The following DLC1 variants were observed in gnomAD, a reference collection of about 807,000 sequenced individuals.
DLC1 encodes the protein rho GTPase-activating protein 7.
A neutral mutation model predicts 140.3 loss-of-function variants in DLC1; 54 were observed. The ratio of observed to expected loss-of-function variants is 0.38; its 90% confidence interval spans 0.31 to 0.48. DLC1 has a LOEUF of 0.48. Ranked by LOEUF, DLC1 falls within the 20% of genes least tolerant of loss-of-function variation. The pLI, the probability that DLC1 is intolerant of heterozygous loss-of-function variation, is 0.96. For missense variants in DLC1, 2,536 were observed against 1,907.0 expected, an observed-to-expected ratio of 1.33 and a Z score of -6.14; for synonymous variants, 986 against 728.1, an observed-to-expected ratio of 1.35 and a Z score of -5.70.
chr8:13,503,865 C>G (rs9918844), intron 1 of DLC1, among the ~76,000 whole-genome samples: 71,680 of 152,036 alleles, frequency 0.47, 18,051 homozygotes, highest in Non-Finnish European at 0.57. Flanking sequence ...TCATAGATAT[C>G]TATCTGTGGT....
intron 5 of DLC1, among the ~76,000 whole-genome samples, chr8:13,201,915 C>T (rs1174347840): frequency 1.4e-5 from 2 of 143,992 alleles, no homozygotes; most frequent in Admixed American, 7.0e-5. Context: ...GTCTAGTACC[C>T]AAAAGGTTTT....
upstream of DLC1, among the ~76,000 whole-genome samples, chr8:13,516,419 A>G (rs1286830404): frequency 6.6e-6 from 1 of 152,166 alleles, no homozygotes; most frequent in African/African-American, 2.4e-5. Context: ...ATCTTGTAGT[A>G]CTTTTTGATA....
intron 4 of DLC1, among the ~76,000 whole-genome samples, chr8:13,378,668 A>T (rs912794170): frequency 5.3e-5 from 8 of 152,072 alleles, no homozygotes; most frequent in African/African-American, 1.9e-4. Context: ...TTTTTTTGTT[A>T]CATGTTCTTT....
chr8:13,457,186 G>A (rs986326501), intron 2 of DLC1, among the ~76,000 whole-genome samples: 11 of 152,134 alleles, frequency 7.2e-5, no homozygotes, highest in African/African-American at 2.7e-4. Context: ...TGCTCACAAT[G>A]AGTGTTTGAC....
chr8:13,475,856 A>G (rs906244618), intron 2 of DLC1, among the ~76,000 whole-genome samples: 1 of 152,184 alleles, frequency 6.6e-6, no homozygotes, highest in Middle Eastern at 3.2e-3. Context: ...CTAGAGTGAA[A>G]TTATGCAGAC....
chr8:13,171,602 G>T (rs1825485931), intron 5 of DLC1, among the ~76,000 whole-genome samples: 1 of 151,850 alleles, frequency 6.6e-6, no homozygotes, highest in African/African-American at 2.4e-5. Context: ...TGTCCAGGCT[G>T]GTCTCAAACT....
intron 2 of DLC1, among the ~76,000 whole-genome samples, chr8:13,454,741 A>G (rs562648095): frequency 6.6e-6 from 1 of 152,174 alleles, no homozygotes; most frequent in East Asian, 1.9e-4. Context: ...TTTTGTAGAG[A>G]CAGCGTCTCC....
intron 4 of DLC1, among the ~76,000 whole-genome samples, chr8:13,338,950 A>AC (rs760237799): frequency 6.6e-6 from 1 of 152,240 alleles, no homozygotes; most frequent in Non-Finnish European, 1.5e-5. Context: ...GTGTAGGTTA[A>AC]CCAAGCAATT....
intron 7 of DLC1, among the ~76,000 whole-genome samples, chr8:13,108,023 C>T (rs1443465135): frequency 2.6e-5 from 4 of 151,856 alleles, no homozygotes; most frequent in African/African-American, 7.3e-5. Flanking sequence ...CCAGCCTGAG[C>T]GACAGAGTGA....
At chr8:13,501,401 T>C (rs1005537978) in intron 1 of DLC1, among the ~76,000 whole-genome samples, 3 of 152,164 alleles carry the variant, frequency 2.0e-5, no homozygotes, top group Admixed American at 6.5e-5. Flanking sequence ...GAAACTATAT[T>C]ATTGGACTGT....
chr8:13,582,889 T>TATATATATATATATACACCAC (rs1563456647), intron 1 of DLC1, among the ~76,000 whole-genome samples: 1 of 75,564 alleles, frequency 1.3e-5, no homozygotes, highest in Non-Finnish European at 2.7e-5. Context: ...TATATATATA[T>TATATATATATATATACACCAC]ATATATATAT....
At chr8:13,456,064 A>G (rs547599279) in intron 2 of DLC1, among the ~76,000 whole-genome samples, 2 of 152,202 alleles carry the variant, frequency 1.3e-5, no homozygotes, top group East Asian at 3.8e-4. Flanking sequence ...GCTTTGTGTC[A>G]AAGGGGAAAA....
chr8:13,315,228 A>C (rs1015984836), intron 4 of DLC1, among the ~76,000 whole-genome samples: 5 of 152,228 alleles, frequency 3.3e-5, no homozygotes, highest in Admixed American at 2.0e-4. Flanking sequence ...CAGCATGAAC[A>C]AGATGGTGAG....
intron 1 of DLC1, among the ~76,000 whole-genome samples, chr8:13,547,380 G>A (rs1803688130): frequency 6.6e-6 from 1 of 151,742 alleles, no homozygotes; most frequent in African/African-American, 2.4e-5. Context: ...AAACACAGAG[G>A]GCCACTCATA....
intron 5 of DLC1, among the ~76,000 whole-genome samples, chr8:13,279,391 C>A (rs144930969): frequency 5.2e-4 from 79 of 152,308 alleles, no homozygotes; most frequent in Middle Eastern, 3.4e-3. Context: ...CCTGCCTATT[C>A]CTAGTGCAGG....
chr8:13,347,071 T>G lies in DLC1; in HGVS notation c.1315-41769A>C, dbSNP rs1016484017. Among the ~76,000 whole-genome samples, 7 of 152,352 alleles carry G rather than the reference T, an allele frequency of 4.6e-5. No individual in the cohort carries two copies. The East Asian group carries it at 1.2e-3, about 25-fold the overall frequency. ...CCTAATTATAAACTAAACTTTATCATATGATGTATGTATAGGAGGAAACAT... is the reference window on the plus strand; with the variant it reads ...CCTAATTATAAACTAAACTTTATCAGATGATGTATGTATAGGAGGAAACAT... On this transcript the variant is annotated intron_variant, in intron 4 of 17. Transcript: ENST00000276297.
intron 1 of DLC1, among the ~76,000 whole-genome samples, chr8:13,540,299 C>T (rs959153565): frequency 6.6e-6 from 1 of 152,196 alleles, no homozygotes; most frequent in Admixed American, 6.5e-5. Context: ...TTCACTCCAA[C>T]TTTAGTAAAA....
intron 1 of DLC1, among the ~76,000 whole-genome samples, chr8:13,577,852 G>C (rs13257017): frequency 0.23 from 35,388 of 151,944 alleles, 4,837 homozygotes; most frequent in East Asian, 0.33. Flanking sequence ...TTATCTTTAA[G>C]GTTAGGGGCT....
chr8:13,418,564 A>G (rs1331182008), intron 2 of DLC1, among the ~76,000 whole-genome samples: 1 of 152,092 alleles, frequency 6.6e-6, no homozygotes, highest in Non-Finnish European at 1.5e-5. Flanking sequence ...GTTGTGTTCC[A>G]TTGATCTATA....
Sources: allele counts gnomAD v4.1 joint callset (sites outside exome capture counted in the v4.1 genomes callset), GRCh38; gene constraint gnomAD v4.1.1; transcripts MANE v1.5; gene names NCBI Gene and HGNC (gene_info 2026-07-23, HGNC 2026-07-21).